The following RDX variants were observed in gnomAD, a reference collection of about 807,000 sequenced individuals.
RDX encodes deafness, autosomal recessive 24.
Under a neutral mutation model 83.7 loss-of-function variants are expected in RDX, and 32 were observed. The ratio of observed to expected loss-of-function variants is 0.38; its 90% CI spans 0.29 to 0.51. RDX has a LOEUF of 0.51. RDX is among the 20% of genes least tolerant of loss of function. The probability of loss-of-function intolerance (pLI) is 0.87; values close to 1 mark genes in which losing one functional copy is unlikely to be tolerated. For missense variants in RDX, 600 were observed against 689.9 expected (o/e 0.87, Z 1.46); for synonymous variants, 229 against 222.7 (o/e 1.03, Z -0.25).
intron 9 of RDX, 82 bp downstream of exon 9, chr11:110,253,864 G>A: frequency 8.8e-7 from 1 of 1,138,048 alleles, no homozygotes; most frequent in Non-Finnish European, 1.3e-6. Flanking sequence ...CAAATTTAAG[G>A]TACATTTAAA....
At chr11:110,207,803 G>C (rs1591511635) in intron 14 of RDX, among the ~76,000 whole-genome samples, 1 of 152,208 alleles carries the variant, frequency 6.6e-6, no homozygotes, top group South Asian at 2.1e-4. Flanking sequence ...GGCCTGCAAA[G>C]TCCAAAATGT....
chr11:110,176,886 G>A (rs1169389950), intron 15 of RDX, among the ~76,000 whole-genome samples: 1 of 152,108 alleles, frequency 6.6e-6, no homozygotes, highest in East Asian at 1.9e-4. Context: ...GTATCACCAG[G>A]CCCTTTCGGA....
chr11:110,198,433 A>G (rs576122677), intron 15 of RDX, among the ~76,000 whole-genome samples: 1 of 152,326 alleles, frequency 6.6e-6, no homozygotes, highest in East Asian at 1.9e-4. Flanking sequence ...GGAATCCCCA[A>G]TCCCTGGGCC....
At chr11:110,267,191 A>T (rs1342456747) in intron 3 of RDX, among the ~76,000 whole-genome samples, 1 of 152,144 alleles carries the variant, frequency 6.6e-6, no homozygotes, top group African/African-American at 2.4e-5. Context: ...GGCATGAGCC[A>T]TCGTGCCCAG....
chr11:110,294,164 C>T (rs1861352188), intron 1 of RDX, among the ~76,000 whole-genome samples: 2 of 152,238 alleles, frequency 1.3e-5, no homozygotes, highest in African/African-American at 4.8e-5. Context: ...GAGGCCGAGG[C>T]GGGCAGAACG....
chr11:110,296,041 G>A (rs545995370), intron 1 of RDX, among the ~76,000 whole-genome samples: 2 of 152,368 alleles, frequency 1.3e-5, no homozygotes, highest in African/African-American at 4.8e-5. Context: ...TGAATATCTG[G>A]ATTTTCAAAC....
chr11:110,244,964 GTTTT>G (rs200267779), intron 10 of RDX, among the ~76,000 whole-genome samples: 1 of 136,310 alleles, frequency 7.3e-6, no homozygotes, highest in Non-Finnish European at 1.6e-5. Context: ...GTACTTCAAA[GTTTT>G]TTTTTTTTTT....
At chr11:110,211,922 C>G (rs1209751078) in intron 14 of RDX, among the ~76,000 whole-genome samples, 82 of 146,754 alleles carry the variant, frequency 5.6e-4, no homozygotes, top group African/African-American at 1.9e-3. Flanking sequence ...ACAATTAAAA[C>G]AACTAGAAAA....
chr11:110,209,643 G>C (rs919122989), intron 14 of RDX, among the ~76,000 whole-genome samples: 30 of 148,506 alleles, frequency 2.0e-4, no homozygotes, highest in African/African-American at 5.4e-4. Flanking sequence ...GGAGATCTGA[G>C]AACGGGCAGA....
At chr11:110,176,709 T>C (rs1266860049) in intron 15 of RDX, among the ~76,000 whole-genome samples, 1 of 152,104 alleles carries the variant, frequency 6.6e-6, no homozygotes, top group Non-Finnish European at 1.5e-5. Context: ...TAATCAAGGA[T>C]TACAAGGATT....
At chr11:110,239,841 T>TTA (rs1355828056) in intron 10 of RDX, among the ~76,000 whole-genome samples, 9 of 134,644 alleles carry the variant, frequency 6.7e-5, no homozygotes, top group East Asian at 2.1e-4. Flanking sequence ...ACTCTGTTTT[T>TTA]AAAAAAAAAA....
At chr11:110,258,417 T>C (rs951985018) in intron 5 of RDX, among the ~76,000 whole-genome samples, 1 of 152,184 alleles carries the variant, frequency 6.6e-6, no homozygotes, top group Non-Finnish European at 1.5e-5. Context: ...ATATCTTGTT[T>C]GTAATATTGT....
At chr11:110,238,924 CAAAA>C (rs35514627) in intron 10 of RDX, among the ~76,000 whole-genome samples, 4 of 70,824 alleles carry the variant, frequency 5.6e-5, no homozygotes, top group African/African-American at 1.8e-4. Context: ...GACTCTGTCT[CAAAA>C]AAAAAAAAAA....
chr11:110,278,816 T>C (rs1860625644), intron 2 of RDX, among the ~76,000 whole-genome samples: 1 of 151,028 alleles, frequency 6.6e-6, no homozygotes, highest in Non-Finnish European at 1.5e-5. Flanking sequence ...AAATGATAAC[T>C]AATGACTTTC....
At chr11:110,186,507 T>A (rs774057874) in intron 15 of RDX, among the ~76,000 whole-genome samples, 1 of 152,008 alleles carries the variant, frequency 6.6e-6, no homozygotes, top group Non-Finnish European at 1.5e-5. Flanking sequence ...AAATAGTGCA[T>A]AAAGATCAAT....
intron 14 of RDX, among the ~76,000 whole-genome samples, chr11:110,203,930 TA>T (rs1591508881): frequency 1.3e-5 from 2 of 152,274 alleles, no homozygotes; most frequent in South Asian, 4.1e-4. Flanking sequence ...TAGTCCCAGC[TA>T]TTCAGGGGGC....
At chr11:110,242,480 C>T (rs1865139449) in intron 10 of RDX, among the ~76,000 whole-genome samples, 1 of 145,458 alleles carries the variant, frequency 6.9e-6, no homozygotes, top group African/African-American at 2.5e-5. Context: ...AAGCCAAAAA[C>T]CTCAATGCTT....
At chr11:110,182,562 C>T (rs997355698) in intron 15 of RDX, among the ~76,000 whole-genome samples, 10 of 152,118 alleles carry the variant, frequency 6.6e-5, no homozygotes, top group African/African-American at 9.7e-5. Context: ...GATCTTGCCA[C>T]GGTACTCCAG....
Position 110,263,866 on chromosome 11 carries a change from T to C in RDX, c.467+94A>G, listed in dbSNP as rs1442210817. 14 of 928,254 alleles carry C rather than the reference T, an allele frequency of 1.5e-5. No individual in the cohort carries two copies. In the South Asian group the frequency reaches 2.0e-4, roughly 14 times the overall value. 57.5% of individuals were successfully genotyped at this position (928,254 alleles called of 1,614,324 possible). ...ATGGGTGACAGGTCCAGACCCTGTC[T>C]CCAAAAAAAAAAAAAAACCTGAAAA... On this transcript the variant is annotated intron_variant, in intron 5 of 13. Transcript: ENST00000645495.
Sources: allele counts gnomAD v4.1 joint callset (sites outside exome capture counted in the v4.1 genomes callset), GRCh38; gene constraint gnomAD v4.1.1; transcripts MANE v1.5; gene names NCBI Gene and HGNC (gene_info 2026-07-23, HGNC 2026-07-21).